KHNYN: variants seen among roughly 807,000 people sequenced by gnomAD.
KHNYN encodes the protein KH and NYN domain containing, also known as protein KHNYN.
Under a neutral mutation model 62.7 loss-of-function variants are expected in KHNYN, and 42 were observed. The observed-to-expected ratio is 0.67, with a 90% CI of 0.52 to 0.87. The LOEUF (loss-of-function observed/expected upper bound fraction) is 0.87, where lower values mean the gene tolerates loss of function less well. KHNYN is among the 40% of genes least tolerant of loss of function. KHNYN has a pLI of 0.00. For synonymous variants in KHNYN, 347 were observed against 345.6 expected, an observed-to-expected ratio of 1.00 and a Z score of -0.04; for missense variants, 829 against 874.1, an observed-to-expected ratio of 0.95 and a Z score of 0.65.
chr14:24,427,513 T>C, upstream of KHNYN: 1 of 436,594 alleles, frequency 2.3e-6, no homozygotes, highest in South Asian at 2.4e-5. This position sits in a 1 kb window ranked among gnomAD's most constrained non-coding sequence, Gnocchi z 4.4. Flanking sequence ...ATCTTCCTTC[T>C]TGCCAAACCT....
At position 24,437,802 on chromosome 14, in the gene KHNYN, G is replaced by A. The variant is rs960785369; in HGVS notation, c.*517G>A. 3 of 152,258 alleles carry A rather than the reference G, an allele frequency of 2.0e-5. No individual in the cohort carries two copies. Among genetic ancestry groups the A allele is most frequent in the African/African-American group, 4.9e-5 (2 of 41,200 alleles). The allele number at this position is 152,258 out of a possible 1,614,324, so 9.4% of individuals were successfully genotyped here. On this transcript the variant is annotated 3_prime_UTR_variant, in exon 8 of 8. Coordinates refer to ENST00000553935, the MANE Select transcript of KHNYN (RefSeq NM_015299.3). The surrounding 1 kb of genome is among the most constrained non-coding windows in gnomAD (Gnocchi z 5.5). Reference sequence around the variant, plus strand: ...AGTGAGCTAGTGAAGAAGGCAGAGGGAGACTTGGCTTCTGGTCTCAGCTAT... The same window carrying A: ...AGTGAGCTAGTGAAGAAGGCAGAGGAAGACTTGGCTTCTGGTCTCAGCTAT...
upstream of KHNYN, chr14:24,427,797 G>A (rs1171450271): frequency 1.9e-6 from 3 of 1,613,858 alleles, no homozygotes; most frequent in Non-Finnish European, 2.5e-6. The surrounding 1 kb of genome is among the most constrained non-coding windows in gnomAD (Gnocchi z 4.4). Context: ...CCTCAGAGAG[G>A]GAAGATGAGG....
upstream of KHNYN, chr14:24,428,228 C>T (rs991078823): frequency 1.1e-5 from 17 of 1,599,402 alleles, no homozygotes; most frequent in African/African-American, 2.1e-4. Context: ...AGCTGGGCTC[C>T]CCTTCTTCCC....
At chr14:24,427,295 G>A (rs754591793), upstream of KHNYN, 7 of 172,938 alleles carry the variant, frequency 4.0e-5, no homozygotes, top group Admixed American at 5.7e-5. The surrounding 1 kb of genome is among the most constrained non-coding windows in gnomAD (Gnocchi z 4.4). Flanking sequence ...TAGCCCATAC[G>A]GTGCTGGTTC....
In KHNYN at chr14:24,440,668, G is replaced by C; in HGVS notation, c.*3383G>C. ...CACCTTCTCATCTGCAGGTTGGCTAGAAGTGGTGGCATCCTCTCACTCTGT... is the reference window on the plus strand; with the variant it reads ...CACCTTCTCATCTGCAGGTTGGCTACAAGTGGTGGCATCCTCTCACTCTGT... On this transcript the variant is annotated 3_prime_UTR_variant, in exon 8 of 8. Transcript: ENST00000553935. The C allele has an allele frequency of 7.0e-7, 1 of 1,425,382 alleles. No homozygotes were observed. The highest frequency in any genetic ancestry group is 9.7e-7 in the Non-Finnish European group (1 of 1,032,274). The allele number at this position is 1,425,382 out of a possible 1,614,324, so 88.3% of individuals were successfully genotyped here.
chr14:24,429,535 G>A, upstream of KHNYN: 1 of 448,290 alleles, frequency 2.2e-6, no homozygotes, highest in East Asian at 8.1e-5. Flanking sequence ...CTTCTTCGTG[G>A]CATCTTTCCG....
intron 1 of KHNYN, 25 bp downstream of exon 1, chr14:24,430,144 C>G (rs2139375434): frequency 1.0e-6 from 1 of 983,288 alleles, no homozygotes. Context: ...CCACCGCGCC[C>G]GGGAGCGGGG....
At chr14:24,427,618 G>T, upstream of KHNYN, 1 of 684,074 alleles carries the variant, frequency 1.5e-6, no homozygotes, top group East Asian at 2.5e-5. This position sits in a 1 kb window ranked among gnomAD's most constrained non-coding sequence, Gnocchi z 4.4. Context: ...GTCTGGAGAT[G>T]CCACAGCTCT....
intron 5 of KHNYN, chr14:24,435,735 T>G (rs1200410083): frequency 3.1e-6 from 1 of 323,328 alleles, no homozygotes; most frequent in Non-Finnish European, 5.8e-6. Flanking sequence ...CACCTTGGAT[T>G]CATCTTTGTT....
rs149300558 is a variant in KHNYN, at chr14:24,432,539, G to C, written c.1278G>C (p.Leu426=). The C allele has an allele frequency of 1.9e-6, 3 of 1,611,694 alleles. No individual in the cohort carries two copies. Among genetic ancestry groups the C allele is most frequent in the Non-Finnish European group, 2.5e-6 (3 of 1,178,204 alleles). Residue 426 remains leucine, a synonymous_variant, in exon 3 of 8, where the codon CTG becomes CTC. Coordinates refer to ENST00000553935, the MANE Select transcript of KHNYN (RefSeq NM_015299.3). This position sits in a 1 kb window ranked among gnomAD's most constrained non-coding sequence, Gnocchi z 5.6. ...AGGCCCTGCAGGATCCTTTCACCCT[G>C]TGCCTTGCCAATGTGCCTGGCCAGC... The part of the protein sequence containing the change: ...FKEALQDPFT[L]CLANVPGQPD...
upstream of KHNYN, chr14:24,428,852 G>A (rs1338414576): frequency 1.2e-6 from 2 of 1,611,914 alleles, no homozygotes; most frequent in South Asian, 2.2e-5. Flanking sequence ...TCGCCCAGGG[G>A]GTGCCTCTCC....
At position 24,441,158 on chromosome 14, in the gene KHNYN, A is replaced by T. The variant is rs1440875561; in HGVS notation, c.*3873A>T. On this transcript the variant is annotated 3_prime_UTR_variant, in exon 8 of 8. Coordinates refer to ENST00000553935, the MANE Select transcript of KHNYN (RefSeq NM_015299.3). ...AGGCTGCTAGAGTGTAGTGGTTAAGAACAGGAACTTGGGTACCAGGCGCCT... is the reference window on the plus strand; with the variant it reads ...AGGCTGCTAGAGTGTAGTGGTTAAGTACAGGAACTTGGGTACCAGGCGCCT... The T allele has an allele frequency of 1.6e-6, 1 of 616,286 alleles. No homozygotes were observed. Among genetic ancestry groups the T allele is most frequent in the Non-Finnish European group, 2.9e-6 (1 of 344,644 alleles). The allele number at this position is 616,286 out of a possible 1,614,324, so 38.2% of individuals were successfully genotyped here. A position where few individuals can be genotyped will look rare whatever the true frequency, so the allele number is the denominator to read the frequency against.
Position 24,436,149 on chromosome 14 carries a change from C to G in KHNYN, c.1655C>G (p.Ser552Cys). The G allele has an allele frequency of 6.2e-7, 1 of 1,614,028 alleles. No individual in the cohort carries two copies. Among genetic ancestry groups the G allele is most frequent in the Admixed American group, 1.7e-5 (1 of 60,030 alleles). Residue 552 changes from serine (S) to cysteine (C), a missense_variant, in exon 6 of 8, where the codon TCT (serine) becomes TGT (cysteine). Around this residue, in one of 2 missense-constraint regions of KHNYN, gnomAD observed 270 missense variants for 347.1 expected, o/e 0.78. Coordinates refer to ENST00000553935, the MANE Select transcript of KHNYN (RefSeq NM_015299.3). ...NDQFRDLAEE[S>C]EKWMAIIRER... ...CAGTTCCGGGACCTGGCGGAGGAGT[C>G]TGAGAAGTGGATGGCAATCATCAGA...
At chr14:24,435,278 A>T (rs2043188424) in intron 5 of KHNYN, among the ~76,000 whole-genome samples, 1 of 152,188 alleles carries the variant, frequency 6.6e-6, no homozygotes, top group Non-Finnish European at 1.5e-5. Context: ...GCTGGAGTTG[A>T]GAGTGGGTTA....
chr14:24,428,372 C>T, upstream of KHNYN: 1 of 1,613,872 alleles, frequency 6.2e-7, no homozygotes, highest in Non-Finnish European at 8.5e-7. Flanking sequence ...GAGCCAGAGG[C>T]CCGGTCAAAG....
chr14:24,432,381 G>A lies in KHNYN; in HGVS notation c.1120G>A (p.Gly374Ser), dbSNP rs773385394. 1.8e-5 allele frequency: 29 copies of A among 1,613,880 alleles called. No homozygotes were observed. Among genetic ancestry groups the A allele is most frequent in the Non-Finnish European group, 2.3e-5 (27 of 1,179,954 alleles). Residue 374 changes from glycine to serine, a missense_variant, in exon 3 of 8, where the codon GGT (glycine) becomes AGT (serine). By Grantham distance (56) the Gly-to-Ser change is moderately conservative (BLOSUM62 0). This residue lies in a region of KHNYN where 559 missense variants were observed against 527.0 expected (regional missense o/e 1.06). Transcript: ENST00000553935. The surrounding 1 kb of genome is among the most constrained non-coding windows in gnomAD (Gnocchi z 5.6). ...PEPPWHCGDR[G>S]DCGDRGDVGD... ...ACCCCCATGGCACTGTGGAGACCGG[G>A]GTGACTGCGGAGACCGGGGAGACGT...
upstream of KHNYN, among the ~76,000 whole-genome samples, chr14:24,425,486 A>G (rs1327447617): frequency 6.6e-6 from 1 of 152,130 alleles, no homozygotes; most frequent in Non-Finnish European, 1.5e-5. Flanking sequence ...GAGCTCAGGG[A>G]GCCGTCTTGG....
upstream of KHNYN, chr14:24,429,413 TGTGTGTGAC>T (rs1314474589): frequency 9.0e-6 from 5 of 555,710 alleles, no homozygotes; most frequent in Non-Finnish European, 1.4e-5. Context: ...ACATGGTATG[TGTGTGTGAC>T]GGGTGTGACA....
In KHNYN at chr14:24,437,699, T is replaced by G; in HGVS notation, c.*414T>G. The G allele has an allele frequency of 5.9e-6, 1 of 169,602 alleles. No individual in the cohort carries two copies. Among genetic ancestry groups the G allele is most frequent in the Non-Finnish European group, 1.3e-5 (1 of 78,348 alleles). The allele number at this position is 169,602 out of a possible 1,614,324, so 10.5% of individuals were successfully genotyped here. ...GATGGCCAGAGAACAAGATGCTCCC[T>G]TGCTGAGCTCCTGGGAGCGTGGAAG... On this transcript the variant is annotated 3_prime_UTR_variant, in exon 8 of 8. Coordinates refer to ENST00000553935, the MANE Select transcript of KHNYN (RefSeq NM_015299.3). The surrounding 1 kb of genome is among the most constrained non-coding windows in gnomAD (Gnocchi z 5.5).
Sources: gnomAD v4.1 joint callset for allele counts (sites outside exome capture counted in the v4.1 genomes callset) on GRCh38, gnomAD v4.1.1 for gene constraint, gnomAD v4.1.1 regional missense constraint, Gnocchi (gnomAD v3.1) non-coding constraint, MANE v1.5 for transcripts, NCBI Gene and HGNC (gene_info 2026-07-23, HGNC 2026-07-21) for gene names.